Variants in HOXC13 observed in about 807,000 individuals in gnomAD.
HOXC13 encodes the protein homeobox protein Hox-C13.
HOXC13 carries 10 observed loss-of-function variants against 25.9 expected under a neutral mutation model. The ratio of observed to expected loss-of-function variants is 0.39; its 90% CI spans 0.24 to 0.65. HOXC13 has a LOEUF of 0.65. Among genes scored for constraint, HOXC13 ranks in the 30% least tolerant of loss-of-function variants. HOXC13 has a pLI of 0.50. For missense variants in HOXC13, 439 were observed against 478.3 expected (o/e 0.92, Z 0.77); for synonymous variants, 233 against 217.1 (o/e 1.07, Z -0.64).
Position 53,945,236 on chromosome 12 carries a change from C to A in HOXC13, c.973C>A (p.Pro325Thr), listed in dbSNP as rs948278330. Residue 325 changes from proline (P) to threonine (T), a missense_variant, in exon 2 of 2, where the codon CCT becomes ACT. By Grantham distance (38) the Pro-to-Thr change is conservative. Coordinates refer to ENST00000243056, the MANE Select transcript of HOXC13 (RefSeq NM_017410.3). The surrounding 1 kb of genome is among the most constrained non-coding windows in gnomAD (Gnocchi z 4.4). Reference sequence around the variant, plus strand: ...GAAGGTGGTCAGCAAATCGAAAGCGCCTCATCTCCACTCCACCTGACCACC... The same window carrying A: ...GAAGGTGGTCAGCAAATCGAAAGCGACTCATCTCCACTCCACCTGACCACC... ...EKKVVSKSKA[P>T]HLHST 5.0e-6 allele frequency: 8 copies of A among 1,614,168 alleles called. No individual in the cohort carries two copies. The highest frequency in any genetic ancestry group is 6.8e-6 in the Non-Finnish European group (8 of 1,180,022).
chr12:53,945,426 A>C lies in HOXC13; in HGVS notation c.*170A>C. ...ATGGCCGTGCTGCTGGGCCATCCCCAACTCCCTATCCCATCCCCAGCCTCC... is the reference window on the plus strand; with the variant it reads ...ATGGCCGTGCTGCTGGGCCATCCCCCACTCCCTATCCCATCCCCAGCCTCC... On this transcript the variant is annotated 3_prime_UTR_variant, in exon 2 of 2. Transcript: ENST00000243056. The surrounding 1 kb of genome is among the most constrained non-coding windows in gnomAD (Gnocchi z 4.4). The C allele has an allele frequency of 1.4e-6, 1 of 729,436 alleles. No homozygotes were observed. Among genetic ancestry groups the C allele is most frequent in the East Asian group, 2.6e-5 (1 of 38,034 alleles). The allele number at this position is 729,436 out of a possible 1,614,324, so 45.2% of individuals were successfully genotyped here. A position where few individuals can be genotyped will look rare whatever the true frequency, so the allele number is the denominator to read the frequency against.
At chr12:53,940,170 A>G (rs1374901111) in intron 1 of HOXC13, among the ~76,000 whole-genome samples, 1 of 152,124 alleles carries the variant, frequency 6.6e-6, no homozygotes, top group Non-Finnish European at 1.5e-5. Flanking sequence ...TGTGAGATTT[A>G]TTTTTTTCCT....
At chr12:53,944,947 T>G in intron 1 of HOXC13, 53 bp from the exon 2 acceptor site, 2 of 1,608,604 alleles carry the variant, frequency 1.2e-6, no homozygotes, top group East Asian at 2.2e-5. Context: ...GGGTCCTCTA[T>G]CTCAGTCCAG....
At position 53,946,390 on chromosome 12, in the gene HOXC13, T is replaced by A. The variant is rs1177838944; in HGVS notation, c.*1134T>A. ...TTCCCACTGGTGCATTACAAAACAG[T>A]GTTCTTTTGAAATGTTCATCAGGAA... is the stretch of plus-strand genomic sequence containing the variant. On this transcript the variant is annotated 3_prime_UTR_variant, in exon 2 of 2. Coordinates refer to ENST00000243056, the MANE Select transcript of HOXC13 (RefSeq NM_017410.3). 4.5e-6 allele frequency: 1 copy of A among 221,132 alleles called. No individual in the cohort carries two copies. Among genetic ancestry groups the A allele is most frequent in the Non-Finnish European group, 9.1e-6 (1 of 110,250 alleles). The allele number at this position is 221,132 out of a possible 1,614,324, so 13.7% of individuals were successfully genotyped here.
At position 53,939,405 on chromosome 12, in the gene HOXC13, T is replaced by C. The variant is rs1466735102; in HGVS notation, c.499T>C (p.Ser167Pro). 6.2e-7 allele frequency: 1 copy of C among 1,605,552 alleles called. No homozygotes were observed. The highest frequency in any genetic ancestry group is 8.5e-7 in the Non-Finnish European group (1 of 1,177,966). Reference protein sequence around the residue: ...SGALPGDDLSSRAKEFAFYPS... With the variant: ...SGALPGDDLSPRAKEFAFYPS... ...CGCCCTGCCCGGTGACGACCTGTCC[T>C]CTAGGGCCAAGGAGTTCGCCTTCTA... Residue 167 changes from serine (S) to proline (P), a missense_variant, in exon 1 of 2, where the codon TCT becomes CCT. Physicochemically the swap from Ser to Pro is moderately conservative, Grantham distance 74 (BLOSUM62 -1). Transcript: ENST00000243056. The surrounding 1 kb of genome is among the most constrained non-coding windows in gnomAD (Gnocchi z 6.7).
At chr12:53,941,361 T>A (rs1011775768) in intron 1 of HOXC13, among the ~76,000 whole-genome samples, 2 of 152,176 alleles carry the variant, frequency 1.3e-5, no homozygotes, top group South Asian at 2.1e-4. Flanking sequence ...GCCAAGGGGC[T>A]AAGGGGTAAG....
chr12:53,946,449 A>G lies in HOXC13; in HGVS notation c.*1193A>G, dbSNP rs570478585. On this transcript the variant is annotated 3_prime_UTR_variant, in exon 2 of 2. Transcript: ENST00000243056. ...TTTAAAAAATGTTGTGTATCTGTAT[A>G]TAGTATTGTGATGTCTGAATGACAA... 1 of 211,640 alleles carries G rather than the reference A, an allele frequency of 4.7e-6. No homozygotes were observed. The highest frequency in any genetic ancestry group is 9.6e-6 in the Non-Finnish European group (1 of 104,194). The allele number at this position is 211,640 out of a possible 1,614,324, so 13.1% of individuals were successfully genotyped here.
In HOXC13 at chr12:53,945,456, C is replaced by G; in HGVS notation, c.*200C>G. Reference sequence around the variant, plus strand: ...CCTATCCCATCCCCAGCCTCCACCCCCATCCAGATGGGACTCACGTGGCTT... The same window carrying G: ...CCTATCCCATCCCCAGCCTCCACCCGCATCCAGATGGGACTCACGTGGCTT... On this transcript the variant is annotated 3_prime_UTR_variant, in exon 2 of 2. Coordinates refer to ENST00000243056, the MANE Select transcript of HOXC13 (RefSeq NM_017410.3). This position sits in a 1 kb window ranked among gnomAD's most constrained non-coding sequence, Gnocchi z 4.4. 6 of 630,528 alleles carry G rather than the reference C, an allele frequency of 9.5e-6. No homozygotes were observed. The highest frequency in any genetic ancestry group is 4.0e-5 in the South Asian group (2 of 49,952). The allele number at this position is 630,528 out of a possible 1,614,324, so 39.1% of individuals were successfully genotyped here.
At chr12:53,940,152 T>C (rs1017643843) in intron 1 of HOXC13, among the ~76,000 whole-genome samples, 4 of 152,252 alleles carry the variant, frequency 2.6e-5, no homozygotes, top group African/African-American at 4.8e-5. Context: ...TGCTGGGGTC[T>C]ACAGAAATGT....
rs1938686051 is a variant in HOXC13 at position 53,945,923 on chromosome 12, C to T, written c.*667C>T. On this transcript the variant is annotated 3_prime_UTR_variant, in exon 2 of 2. Coordinates refer to ENST00000243056, the MANE Select transcript of HOXC13 (RefSeq NM_017410.3). This position sits in a 1 kb window ranked among gnomAD's most constrained non-coding sequence, Gnocchi z 4.4. ...CCATCCCAACCAAGAAACTGCATTT[C>T]CTGGGGCCAGGTGGGAGCTGCCTTT... 4.3e-6 allele frequency: 1 copy of T among 232,418 alleles called. No homozygotes were observed. The highest frequency in any genetic ancestry group is 5.6e-5 in the Admixed American group (1 of 17,852). The allele number at this position is 232,418 out of a possible 1,614,324, so 14.4% of individuals were successfully genotyped here. A position where few individuals can be genotyped will look rare whatever the true frequency, so the allele number is the denominator to read the frequency against.
Position 53,942,154 on chromosome 12 carries a change from C to CTTTTTTTTT in HOXC13, c.736+2541_736+2549dup, listed in dbSNP as rs56678098. On this transcript the variant is annotated intron_variant, in intron 1 of 1. Coordinates refer to ENST00000243056, the MANE Select transcript of HOXC13 (RefSeq NM_017410.3). ...TTTTTCTCCCTACGGTGAGTGTAGA[C>CTTTTTTTTT]TTTTTTTTTTTTTTTTTTTTTTTTT... Among the ~76,000 whole-genome samples, 5 of 39,338 alleles carry CTTTTTTTTT rather than the reference C, an allele frequency of 1.3e-4. 1 individual carries two copies. Among genetic ancestry groups the CTTTTTTTTT allele is most frequent in the African/African-American group, 5.8e-4 (5 of 8,560 alleles). The allele number at this position is 39,338 out of a possible 152,430, so 25.8% of individuals were successfully genotyped here.
In HOXC13 at chr12:53,939,199, C is replaced by T; in HGVS notation, c.293C>T (p.Ala98Val). 2 of 1,528,294 alleles carry T rather than the reference C, an allele frequency of 1.3e-6. No individual in the cohort carries two copies. The highest frequency in any genetic ancestry group is 1.8e-6 in the Non-Finnish European group (2 of 1,141,962). 94.7% of individuals were successfully genotyped at this position (1,528,294 alleles called of 1,614,324 possible). Residue 98 changes from alanine (A) to valine (V), a missense_variant, in exon 1 of 2, where the codon GCC becomes GTC. Transcript: ENST00000243056. This position sits in a 1 kb window ranked among gnomAD's most constrained non-coding sequence, Gnocchi z 6.7. ...PQGAVYTDIP[A>V]PEAARQCAPP... ...GGCGCCGTCTATACGGACATCCCGG[C>T]CCCGGAGGCGGCGCGCCAGTGTGCC...
chr12:53,942,945 G>A (rs796394819), intron 1 of HOXC13, among the ~76,000 whole-genome samples: 60 of 152,260 alleles, frequency 3.9e-4, no homozygotes, highest in African/African-American at 1.4e-3. Context: ...AATTGGATAG[G>A]TAATTGTGAG....
rs1438343058 is a variant in HOXC13, at chr12:53,945,792, G to A, written c.*536G>A. On this transcript the variant is annotated 3_prime_UTR_variant, in exon 2 of 2. Coordinates refer to ENST00000243056, the MANE Select transcript of HOXC13 (RefSeq NM_017410.3). The surrounding 1 kb of genome is among the most constrained non-coding windows in gnomAD (Gnocchi z 4.4). ...ATTTTCTGTGCGTATTTTAAAAGTC[G>A]TGTTAATACTCATGATAATTATTAG... 1 of 240,360 alleles carries A rather than the reference G, an allele frequency of 4.2e-6. No individual in the cohort carries two copies. Among genetic ancestry groups the A allele is most frequent in the African/African-American group, 2.2e-5 (1 of 45,350 alleles). The allele number at this position is 240,360 out of a possible 1,614,324, so 14.9% of individuals were successfully genotyped here.
Position 53,946,010 on chromosome 12 carries a change from G to A in HOXC13, c.*754G>A, listed in dbSNP as rs905079647. The A allele has an allele frequency of 1.7e-5, 4 of 231,672 alleles. No homozygotes were observed. Among genetic ancestry groups the A allele is most frequent in the Non-Finnish European group, 3.4e-5 (4 of 117,124 alleles). The allele number at this position is 231,672 out of a possible 1,614,324, so 14.4% of individuals were successfully genotyped here. On this transcript the variant is annotated 3_prime_UTR_variant, in exon 2 of 2. Coordinates refer to ENST00000243056, the MANE Select transcript of HOXC13 (RefSeq NM_017410.3). ...CATGTGGAAATCCAAGGAGGACAAAGACTCCAGCCACGCTGCTAAATAGGG... is the reference window on the plus strand; with the variant it reads ...CATGTGGAAATCCAAGGAGGACAAAAACTCCAGCCACGCTGCTAAATAGGG...
intron 1 of HOXC13, among the ~76,000 whole-genome samples, chr12:53,944,455 G>A (rs1938657930): frequency 6.6e-6 from 1 of 152,154 alleles, no homozygotes; most frequent in Non-Finnish European, 1.5e-5. Context: ...ATATACAACA[G>A]AATGTCTTCC....
At chr12:53,943,728 T>A (rs916233105) in intron 1 of HOXC13, among the ~76,000 whole-genome samples, 1 of 152,340 alleles carries the variant, frequency 6.6e-6, no homozygotes, top group East Asian at 1.9e-4. Flanking sequence ...GAGGGTGGGA[T>A]GGGAACAAAC....
Position 53,945,540 on chromosome 12 carries a change from T to G in HOXC13, c.*284T>G. On this transcript the variant is annotated 3_prime_UTR_variant, in exon 2 of 2. Transcript: ENST00000243056. This position sits in a 1 kb window ranked among gnomAD's most constrained non-coding sequence, Gnocchi z 4.4. ...TGCGAGGAAGGCTGTCGACCTCTAC[T>G]CCTCCTTGCGCTCACCTTGCCAGAA... 1 of 485,308 alleles carries G rather than the reference T, an allele frequency of 2.1e-6. No individual in the cohort carries two copies. Among genetic ancestry groups the G allele is most frequent in the Non-Finnish European group, 3.7e-6 (1 of 266,986 alleles). The allele number at this position is 485,308 out of a possible 1,614,324, so 30.1% of individuals were successfully genotyped here.
intron 1 of HOXC13, among the ~76,000 whole-genome samples, chr12:53,941,907 T>A (rs1938615909): frequency 1.3e-5 from 2 of 152,354 alleles, no homozygotes; most frequent in South Asian, 4.1e-4. Context: ...AAGATAACTC[T>A]GTCTGTGCAA....
Sources: gnomAD v4.1 joint callset for allele counts (sites outside exome capture counted in the v4.1 genomes callset) on GRCh38, gnomAD v4.1.1 for gene constraint, Gnocchi (gnomAD v3.1) non-coding constraint, MANE v1.5 for transcripts, NCBI Gene and HGNC (gene_info 2026-07-23, HGNC 2026-07-21) for gene names.